Variants in TSEN2 observed in about 807,000 individuals in gnomAD.
TSEN2 encodes the protein tRNA-splicing endonuclease subunit Sen2.
A neutral mutation model predicts 59.2 loss-of-function variants in TSEN2; 54 were observed. The observed-to-expected ratio is 0.91, with a 90% CI of 0.73 to 1.14. The LOEUF (loss-of-function observed/expected upper bound fraction) is 1.14. Among genes scored for constraint, TSEN2 ranks in the 50% most tolerant of loss-of-function variants. The pLI is 0.00. For synonymous variants in TSEN2, 195 were observed against 198.2 expected (o/e 0.98, Z 0.14); for missense variants, 636 against 576.2 (o/e 1.10, Z -1.06).
At chr3:12,499,613 G>A (rs775547534) in intron 4 of TSEN2, among the ~76,000 whole-genome samples, 20 of 152,212 alleles carry the variant, frequency 1.3e-4, no homozygotes, top group Non-Finnish European at 2.4e-4. Context: ...TGGGGACTCA[G>A]GGGAGGCTTC....
intron 8 of TSEN2, among the ~76,000 whole-genome samples, chr3:12,521,854 A>G (rs1200967802): frequency 6.6e-6 from 1 of 152,080 alleles, no homozygotes; most frequent in African/African-American, 2.4e-5. Context: ...TACTAAAAAT[A>G]CAAAAAATTA....
At chr3:12,518,061 TA>T (rs1015841265) in intron 7 of TSEN2, among the ~76,000 whole-genome samples, 2 of 152,172 alleles carry the variant, frequency 1.3e-5, no homozygotes, top group African/African-American at 4.8e-5. Flanking sequence ...ACTACTGAAA[TA>T]AAGCAAAAAT....
intron 7 of TSEN2, among the ~76,000 whole-genome samples, chr3:12,517,144 G>A (rs781100421): frequency 2.3e-4 from 35 of 152,094 alleles, no homozygotes; most frequent in Non-Finnish European, 3.7e-4. Context: ...TCAGGAGATC[G>A]AGACCATCCT....
intron 4 of TSEN2, among the ~76,000 whole-genome samples, chr3:12,496,963 G>A (rs1052731023): frequency 7.9e-5 from 12 of 152,122 alleles, no homozygotes; most frequent in Non-Finnish European, 2.9e-5. Flanking sequence ...TTTAATCCTA[G>A]ACATTCCCGG....
intron 6 of TSEN2, among the ~76,000 whole-genome samples, chr3:12,505,823 A>G (rs1008006167): frequency 6.1e-5 from 9 of 146,558 alleles, no homozygotes; most frequent in Non-Finnish European, 1.2e-4. Context: ...GTTGATGGCT[A>G]GGTGTGATGG....
intron 8 of TSEN2, 93 bp from the exon 9 acceptor site, chr3:12,528,795 A>C (rs971053246): frequency 1.5e-6 from 2 of 1,345,560 alleles, no homozygotes; most frequent in Non-Finnish European, 2.1e-6. Flanking sequence ...CTTTTGGAGA[A>C]GAAAAGTTAA....
At chr3:12,515,116 C>T (rs546921825) in intron 6 of TSEN2, 1 of 152,122 alleles carries the variant, frequency 6.6e-6, no homozygotes, top group South Asian at 2.1e-4. Context: ...CCCAGGATCC[C>T]CAGACCACCC....
In TSEN2 at chr3:12,503,713, G is replaced by C. The variant is rs778711036; in HGVS notation, c.760G>C (p.Asp254His). 6.2e-7 allele frequency: 1 copy of C among 1,613,838 alleles called. No individual in the cohort carries two copies. Among genetic ancestry groups the C allele is most frequent in the Non-Finnish European group, 8.5e-7 (1 of 1,179,916 alleles). ...CCTGCATCCTGGGGACAGAGGGCCT[G>C]ACCATGAGTACGTGCTGGTCGAGGA... ...GLLHPGDRGP[D>H]HEYVLVEEAE... The change falls in exon 5 of 12, where the codon GAC (aspartate) becomes CAC (histidine). Residue 254 changes from aspartate (D) to histidine (H), a missense_variant. Physicochemically the swap from Asp to His is moderately conservative, Grantham distance 81. Coordinates refer to ENST00000284995, the MANE Select transcript of TSEN2 (RefSeq NM_025265.4).
chr3:12,512,006 A>G (rs545261629), intron 6 of TSEN2, among the ~76,000 whole-genome samples: 2 of 152,382 alleles, frequency 1.3e-5, no homozygotes, highest in African/African-American at 4.8e-5. Context: ...AAATATTTGC[A>G]GCATGCACTA....
chr3:12,484,021 G>C (rs2052332890), upstream of TSEN2, among the ~76,000 whole-genome samples: 1 of 152,350 alleles, frequency 6.6e-6, no homozygotes, highest in South Asian at 2.1e-4. Flanking sequence ...GTGTCTGCCA[G>C]AGAAAACGTC....
In TSEN2 at chr3:12,484,770, C is replaced by G. The variant is rs764706722; in HGVS notation, c.-128C>G. 1 of 152,258 alleles carries G rather than the reference C, an allele frequency of 6.6e-6. No individual in the cohort carries two copies. Among genetic ancestry groups the G allele is most frequent in the East Asian group, 1.9e-4 (1 of 5,192 alleles). The allele number at this position is 152,258 out of a possible 1,614,324, so 9.4% of individuals were successfully genotyped here. On this transcript the variant is annotated 5_prime_UTR_variant, in exon 1 of 12. Transcript: ENST00000284995. ...TTCTTGGAAACGCCGGCGCCTTGTT[C>G]AGGGCTGGTGGGGCTGGGGCGCAAG...
intron 1 of TSEN2, among the ~76,000 whole-genome samples, chr3:12,485,551 G>A (rs2052530762): frequency 1.3e-5 from 2 of 152,166 alleles, no homozygotes; most frequent in Admixed American, 1.3e-4. Context: ...AATAGACCTT[G>A]CTGTTACCAG....
chr3:12,524,145 C>T (rs1415046588), intron 8 of TSEN2, among the ~76,000 whole-genome samples: 1 of 151,972 alleles, frequency 6.6e-6, no homozygotes, highest in African/African-American at 2.4e-5. Flanking sequence ...GTTGCCCAAG[C>T]TGGGCTCAAA....
At chr3:12,538,415 CAGTGGCA>C (rs1248028796), downstream of TSEN2, among the ~76,000 whole-genome samples, 1 of 152,002 alleles carries the variant, frequency 6.6e-6, no homozygotes, top group Non-Finnish European at 1.5e-5. Flanking sequence ...TAGGTTATCC[CAGTGGCA>C]AGTATCTGAT....
intron 4 of TSEN2, 140 bp downstream of exon 4, chr3:12,496,694 T>A: frequency 3.6e-6 from 3 of 825,088 alleles, no homozygotes; most frequent in Non-Finnish European, 6.0e-6. Context: ...TTGAAAATTA[T>A]GTTGGAATTT....
chr3:12,497,907 C>T (rs1280706061), intron 4 of TSEN2, among the ~76,000 whole-genome samples: 7 of 152,176 alleles, frequency 4.6e-5, no homozygotes, highest in Non-Finnish European at 5.9e-5. Flanking sequence ...CACAGTCCCT[C>T]GGAAGGCTCT....
chr3:12,501,736 T>C (rs1259891661), intron 4 of TSEN2, among the ~76,000 whole-genome samples: 1 of 152,000 alleles, frequency 6.6e-6, no homozygotes, highest in Non-Finnish European at 1.5e-5. Flanking sequence ...TAAAAGAAGG[T>C]GAAAAGTAAA....
chr3:12,482,231 C>T (rs910103935), upstream of TSEN2, among the ~76,000 whole-genome samples: 6 of 152,216 alleles, frequency 3.9e-5, no homozygotes, highest in Non-Finnish European at 1.5e-5. Flanking sequence ...AAGCAATTCT[C>T]TTGCCTCAGC....
chr3:12,535,283 TC>T (rs1366984667), downstream of TSEN2, among the ~76,000 whole-genome samples: 1 of 152,122 alleles, frequency 6.6e-6, no homozygotes, highest in Non-Finnish European at 1.5e-5. Flanking sequence ...GAATGTTAAC[TC>T]CCCTAACACT....
Sources: gnomAD v4.1 joint callset for allele counts (sites outside exome capture counted in the v4.1 genomes callset) on GRCh38, gnomAD v4.1.1 for gene constraint, MANE v1.5 for transcripts, NCBI Gene and HGNC (gene_info 2026-07-23, HGNC 2026-07-21) for gene names.